BCL2L1: variants seen among roughly 807,000 people sequenced by gnomAD.
The protein encoded by BCL2L1 is bcl-2-like protein 1.
In BCL2L1, 1 loss-of-function variant was observed where a neutral mutation model predicts 18.7. The observed-to-expected ratio is 0.05, with a 90% CI of 0.02 to 0.25. BCL2L1 has a LOEUF of 0.25. Ranked by LOEUF, BCL2L1 falls within the 10% of genes least tolerant of loss-of-function variation. The probability of loss-of-function intolerance (pLI) is 1.00; values close to 1 mark genes in which losing one functional copy is unlikely to be tolerated. For missense variants in BCL2L1, 207 were observed against 304.9 expected (o/e 0.68, Z 2.39); for synonymous variants, 103 against 122.7 (o/e 0.84, Z 1.06).
chr20:31,721,995 A>C lies in BCL2L1; in HGVS notation c.224T>G (p.Leu75Trp). 1 of 1,614,100 alleles carries C rather than the reference A, an allele frequency of 6.2e-7. No individual in the cohort carries two copies. The highest frequency in any genetic ancestry group is 1.7e-5 in the Admixed American group (1 of 60,006). ...VNGATGHSSS[L>W]DAREVIPMAA... ...CATGGGGATCACCTCCCGGGCATCCAAACTGCTGCTGTGGCCAGTGGCTCC... is the reference window on the plus strand; with the variant it reads ...CATGGGGATCACCTCCCGGGCATCCCAACTGCTGCTGTGGCCAGTGGCTCC... Residue 75 changes from leucine (L) to tryptophan (W), a missense_variant, in exon 2 of 3, where the codon TTG becomes TGG. Leu to Trp is a moderately conservative substitution (Grantham distance 61, BLOSUM62 -2). Coordinates refer to ENST00000307677, the MANE Select transcript of BCL2L1 (RefSeq NM_138578.3).
intron 2 of BCL2L1, among the ~76,000 whole-genome samples, chr20:31,711,142 C>G (rs6060855): frequency 6.6e-6 from 1 of 152,220 alleles, no homozygotes; most frequent in East Asian, 1.9e-4. Context: ...AAACACAGCA[C>G]CTGGCACAGA....
chr20:31,667,141 C>G (rs2060599850), intron 2 of BCL2L1, among the ~76,000 whole-genome samples: 1 of 151,798 alleles, frequency 6.6e-6, no homozygotes, highest in South Asian at 2.1e-4. Flanking sequence ...AAACTGGCAT[C>G]TGGCACCTAG....
At chr20:31,710,402 A>G (rs1263307405) in intron 2 of BCL2L1, among the ~76,000 whole-genome samples, 1 of 152,248 alleles carries the variant, frequency 6.6e-6, no homozygotes, top group East Asian at 1.9e-4. Context: ...TTAAGAGATT[A>G]GTATTATCTC....
chr20:31,716,665 G>C (rs1305737505), intron 2 of BCL2L1: 1 of 152,206 alleles, frequency 6.6e-6, no homozygotes, highest in Non-Finnish European at 1.5e-5. Flanking sequence ...GAGGAAACAA[G>C]CATGGACAAG....
At chr20:31,689,253 A>AG (rs1600821907) in intron 2 of BCL2L1, among the ~76,000 whole-genome samples, 1 of 3,466 alleles carries the variant, frequency 2.9e-4, no homozygotes, top group Non-Finnish European at 5.5e-4. Context: ...GGGGAAGGGA[A>AG]AGGGAGGGAA....
intron 2 of BCL2L1, among the ~76,000 whole-genome samples, chr20:31,711,550 C>T (rs2061453005): frequency 6.6e-6 from 1 of 152,172 alleles, no homozygotes; most frequent in Admixed American, 6.5e-5. Context: ...CCACAATATC[C>T]ACAGTATCAC....
chr20:31,699,152 A>G (rs1448342438), intron 2 of BCL2L1, among the ~76,000 whole-genome samples: 2 of 152,208 alleles, frequency 1.3e-5, no homozygotes, highest in Non-Finnish European at 2.9e-5. Context: ...TAGCTTGAGA[A>G]GCCTTGAGGA....
chr20:31,675,514 G>A (rs6060633), intron 2 of BCL2L1, among the ~76,000 whole-genome samples: 1 of 152,032 alleles, frequency 6.6e-6, no homozygotes, highest in African/African-American at 2.4e-5. Context: ...GAAGAAGTGA[G>A]GTTTGTGGTT....
At chr20:31,723,935 G>C, upstream of BCL2L1, 1 of 985,456 alleles carries the variant, frequency 1.0e-6, no homozygotes, top group Non-Finnish European at 1.2e-6. Flanking sequence ...AGGGGAACTT[G>C]CAAGCTCAGT....
intron 2 of BCL2L1, among the ~76,000 whole-genome samples, chr20:31,711,892 G>A (rs1221253905): frequency 1.3e-5 from 2 of 152,200 alleles, no homozygotes; most frequent in African/African-American, 4.8e-5. Flanking sequence ...AGACTACTAA[G>A]ACAGTAGAGT....
chr20:31,709,348 T>C (rs985679811), intron 2 of BCL2L1, among the ~76,000 whole-genome samples: 9 of 152,078 alleles, frequency 5.9e-5, no homozygotes, highest in Non-Finnish European at 1.5e-5. Context: ...CACGCGTGTG[T>C]AACTAGCCTG....
intron 2 of BCL2L1, among the ~76,000 whole-genome samples, chr20:31,709,766 C>T (rs888839785): frequency 1.4e-5 from 2 of 140,184 alleles, no homozygotes; most frequent in South Asian, 2.4e-4. Context: ...ACCTGGGAGG[C>T]GGAGCTTGCA....
At chr20:31,680,416 G>A (rs2060839659) in intron 2 of BCL2L1, among the ~76,000 whole-genome samples, 1 of 152,206 alleles carries the variant, frequency 6.6e-6, no homozygotes, top group South Asian at 2.1e-4. Flanking sequence ...GGGTGAGAAA[G>A]GGAAGAGTGT....
At chr20:31,701,896 C>T (rs1237771245) in intron 2 of BCL2L1, among the ~76,000 whole-genome samples, 2 of 152,210 alleles carry the variant, frequency 1.3e-5, no homozygotes, top group African/African-American at 4.8e-5. Flanking sequence ...CTGCAAAGAA[C>T]AGCTGCAGAC....
At chr20:31,688,033 G>A (rs2060991839) in intron 2 of BCL2L1, among the ~76,000 whole-genome samples, 1 of 152,140 alleles carries the variant, frequency 6.6e-6, no homozygotes, top group African/African-American at 2.4e-5. Context: ...CTTCCTCTTT[G>A]AGTAGTTATG....
At chr20:31,703,132 C>T (rs972747573) in intron 2 of BCL2L1, among the ~76,000 whole-genome samples, 3 of 151,470 alleles carry the variant, frequency 2.0e-5, no homozygotes, top group Non-Finnish European at 4.4e-5. Context: ...GCAACCTCCA[C>T]CTCCTGGGTT....
chr20:31,684,752 A>G (rs991120080), intron 2 of BCL2L1, among the ~76,000 whole-genome samples: 2 of 152,148 alleles, frequency 1.3e-5, no homozygotes, highest in Non-Finnish European at 2.9e-5. Flanking sequence ...CCCATCTTTG[A>G]GGGGCTTAGT....
At chr20:31,708,977 T>C (rs1195785754) in intron 2 of BCL2L1, among the ~76,000 whole-genome samples, 1 of 152,222 alleles carries the variant, frequency 6.6e-6, no homozygotes, top group Non-Finnish European at 1.5e-5. Context: ...GCAGCTTACC[T>C]GATCTGCAGG....
At chr20:31,720,453 C>G in intron 2 of BCL2L1, 1 of 837,112 alleles carries the variant, frequency 1.2e-6, no homozygotes, top group Non-Finnish European at 1.4e-6. Context: ...AAAACCTGCA[C>G]CTCCGCTAGG....
Sources: gnomAD v4.1 joint callset for allele counts (sites outside exome capture counted in the v4.1 genomes callset) on GRCh38, gnomAD v4.1.1 for gene constraint, MANE v1.5 for transcripts, NCBI Gene and HGNC (gene_info 2026-07-23, HGNC 2026-07-21) for gene names.